MTHFD1L: variants seen among roughly 807,000 people sequenced by gnomAD.
MTHFD1L encodes the protein monofunctional C1-tetrahydrofolate synthase, mitochondrial.
In MTHFD1L, 81 loss-of-function variants were observed where a neutral mutation model predicts 119.5. That is an observed-to-expected ratio of 0.68 (90% CI 0.57 to 0.82). The LOEUF (loss-of-function observed/expected upper bound fraction) is 0.82. Among genes scored for constraint, MTHFD1L ranks in the 40% least tolerant of loss-of-function variants. MTHFD1L has a pLI of 0.00. For missense variants in MTHFD1L, 1,125 were observed against 1,253.4 expected, an observed-to-expected ratio of 0.90 and a Z score of 1.55; for synonymous variants, 430 against 475.2, an observed-to-expected ratio of 0.90 and a Z score of 1.24.
chr6:150,921,136 T>G (rs1265790761), intron 9 of MTHFD1L, among the ~76,000 whole-genome samples: 1 of 151,264 alleles, frequency 6.6e-6, no homozygotes, highest in Non-Finnish European at 1.5e-5. Context: ...TTGTATTTTT[T>G]GAGATGGAGT....
chr6:151,048,390 C>G (rs944070990), intron 26 of MTHFD1L, among the ~76,000 whole-genome samples: 25 of 152,162 alleles, frequency 1.6e-4, no homozygotes, highest in African/African-American at 2.7e-4. Context: ...CCACCTCCCC[C>G]ACTTCCCACC....
Position 151,025,867 on chromosome 6 carries a change from T to C in MTHFD1L, c.2587-8626T>C, listed in dbSNP as rs150851437. 2.4e-4 allele frequency among the ~76,000 whole-genome samples: 37 copies of C among 152,332 alleles called. No individual in the cohort carries two copies. In the East Asian group the frequency reaches 6.5e-3, roughly 27 times the overall value. On this transcript the variant is annotated intron_variant, in intron 24 of 27. Coordinates refer to ENST00000367321, the MANE Select transcript of MTHFD1L (RefSeq NM_015440.5). ...TGAGAGTGGAGTGTTACATAGTGTT[T>C]TTCATAGGTCTTCTAAAAGATTTTT...
chr6:151,084,882 G>T (rs1006336981), intron 26 of MTHFD1L, among the ~76,000 whole-genome samples: 5 of 150,378 alleles, frequency 3.3e-5, no homozygotes, highest in Non-Finnish European at 5.9e-5. Context: ...CAGGAGAATC[G>T]CTTGAACCCG....
At chr6:150,940,571 A>ATTTTT (rs1437056686) in intron 13 of MTHFD1L, among the ~76,000 whole-genome samples, 4 of 119,704 alleles carry the variant, frequency 3.3e-5, no homozygotes, top group African/African-American at 1.2e-4. Flanking sequence ...GGAGAGAGCT[A>ATTTTT]CTTTTATTTT....
At chr6:151,015,495 C>T in intron 23 of MTHFD1L, 21 bp from the exon 24 acceptor site, 1 of 1,590,960 alleles carries the variant, frequency 6.3e-7, no homozygotes, top group Non-Finnish European at 8.6e-7. Context: ...GATGCAAAAC[C>T]ACAAACATTT....
chr6:150,937,361 C>A (rs556104749), intron 12 of MTHFD1L, among the ~76,000 whole-genome samples: 3 of 152,134 alleles, frequency 2.0e-5, no homozygotes, highest in South Asian at 2.1e-4. Flanking sequence ...TCTCTGGAGA[C>A]GGACTGGCTG....
intron 27 of MTHFD1L, among the ~76,000 whole-genome samples, chr6:151,098,097 C>A (rs925147524): frequency 6.6e-6 from 1 of 152,086 alleles, no homozygotes; most frequent in Non-Finnish European, 1.5e-5. Context: ...TCTCTTGAAC[C>A]CAGGAGGTGG....
rs151316530 is a variant in MTHFD1L, at chr6:150,960,697, G to C, written c.1944+282G>C. ...AATCCTGATCTCTGCTTCTGCCTGG[G>C]CTGGGGAGGAGTCACCCCCCTGCAG... is the stretch of plus-strand genomic sequence containing the variant. On this transcript the variant is annotated intron_variant, in intron 18 of 27. Coordinates refer to ENST00000367321, the MANE Select transcript of MTHFD1L (RefSeq NM_015440.5). Among the ~76,000 whole-genome samples the C allele has an allele frequency of 5.3e-5, 8 of 152,182 alleles. No homozygotes were observed. In the East Asian group the frequency reaches 1.4e-3, roughly 26 times the overall value.
intron 24 of MTHFD1L, among the ~76,000 whole-genome samples, chr6:151,028,329 C>T (rs898627037): frequency 2.6e-5 from 4 of 152,120 alleles, no homozygotes. Flanking sequence ...TGTTGCCTTA[C>T]GCCCAAAAGC....
chr6:150,892,042 C>T (rs1194110746), intron 7 of MTHFD1L, among the ~76,000 whole-genome samples: 1 of 152,172 alleles, frequency 6.6e-6, no homozygotes, highest in East Asian at 1.9e-4. Flanking sequence ...AGGAAGGCAG[C>T]CTTGCAATGA....
At position 151,096,336 on chromosome 6, in the gene MTHFD1L, A is replaced by T. The variant is rs533757008; in HGVS notation, c.*31+3749A>T. ...TCCAAGGCCTCTTTCTTCTTTGTGA[A>T]TTGCTAAATACAGTTCTGGGCTAGT... On this transcript the variant is annotated intron_variant, in intron 27 of 27. Coordinates refer to ENST00000367321, the MANE Select transcript of MTHFD1L (RefSeq NM_015440.5). 5.3e-5 allele frequency among the ~76,000 whole-genome samples: 8 copies of T among 152,216 alleles called. No individual in the cohort carries two copies. In the South Asian group the frequency reaches 1.7e-3, roughly 32 times the overall value.
intron 20 of MTHFD1L, among the ~76,000 whole-genome samples, chr6:151,003,322 A>G (rs1780885571): frequency 6.6e-6 from 1 of 152,220 alleles, no homozygotes; most frequent in African/African-American, 2.4e-5. Context: ...ACCTGAGGTC[A>G]GAAGTTCGAG....
At chr6:151,077,802 G>C (rs1490253601) in intron 26 of MTHFD1L, among the ~76,000 whole-genome samples, 1 of 152,028 alleles carries the variant, frequency 6.6e-6, no homozygotes, top group East Asian at 1.9e-4. Context: ...GGTGGCTCAC[G>C]CTTGTAATCC....
intron 8 of MTHFD1L, among the ~76,000 whole-genome samples, chr6:150,911,861 G>A (rs1786954169): frequency 6.6e-6 from 1 of 152,122 alleles, no homozygotes; most frequent in Non-Finnish European, 1.5e-5. Flanking sequence ...GATCTCATGA[G>A]ACGTATTTAC....
At chr6:150,968,093 C>T (rs1044082158) in intron 19 of MTHFD1L, among the ~76,000 whole-genome samples, 2 of 152,106 alleles carry the variant, frequency 1.3e-5, no homozygotes, top group African/African-American at 4.8e-5. Context: ...GTTCTCATGT[C>T]ATGTAAGCAT....
chr6:151,034,683 A>G (rs375792465), intron 25 of MTHFD1L, 83 bp downstream of exon 25: 3 of 853,144 alleles, frequency 3.5e-6, no homozygotes, highest in Non-Finnish European at 5.9e-6. Context: ...ATTTGTACAT[A>G]TCGCACCAGC....
intron 26 of MTHFD1L, among the ~76,000 whole-genome samples, chr6:151,062,878 C>T (rs1030902423): frequency 6.6e-6 from 1 of 151,918 alleles, no homozygotes; most frequent in Non-Finnish European, 1.5e-5. Context: ...CCACTTCACC[C>T]TGTTGTGGGG....
chr6:151,094,595 G>A (rs1457336621), intron 27 of MTHFD1L, among the ~76,000 whole-genome samples: 1 of 152,094 alleles, frequency 6.6e-6, no homozygotes, highest in African/African-American at 2.4e-5. Context: ...CAAGGCTGGA[G>A]TGCAGCGGCA....
intron 1 of MTHFD1L, among the ~76,000 whole-genome samples, chr6:150,875,361 T>C (rs886275286): frequency 3.3e-5 from 5 of 152,124 alleles, no homozygotes; most frequent in Non-Finnish European, 5.9e-5. Context: ...CTACCACTTT[T>C]ACCTAGGCCT....
Sources: allele counts gnomAD v4.1 joint callset (sites outside exome capture counted in the v4.1 genomes callset), GRCh38; gene constraint gnomAD v4.1.1; transcripts MANE v1.5; gene names NCBI Gene and HGNC (gene_info 2026-07-23, HGNC 2026-07-21).